Variants in KIF21B observed in about 807,000 individuals in gnomAD.
The protein encoded by KIF21B is kinesin family member 21B, also known as kinesin-like protein KIF21B.
A neutral mutation model predicts 192.9 loss-of-function variants in KIF21B; 85 were observed. The ratio of observed to expected loss-of-function variants is 0.44; its 90% CI spans 0.37 to 0.53. KIF21B has a LOEUF of 0.53. Ranked by LOEUF, KIF21B falls within the 20% of genes least tolerant of loss-of-function variation. The pLI, the probability that KIF21B is intolerant of heterozygous loss-of-function variation, is 0.00. For missense variants in KIF21B, 1,716 were observed against 2,194.8 expected, an observed-to-expected ratio of 0.78 and a Z score of 4.36; for synonymous variants, 832 against 884.6, an observed-to-expected ratio of 0.94 and a Z score of 1.05.
chr1:201,014,676 G>C (rs1658409326), intron 1 of KIF21B, among the ~76,000 whole-genome samples: 1 of 152,178 alleles, frequency 6.6e-6, no homozygotes, highest in African/African-American at 2.4e-5. Flanking sequence ...GGACTCCTAG[G>C]GGTTGGCTCA....
Position 200,974,661 on chromosome 1 carries a change from A to G in KIF21B, c.4814+53T>C. On this transcript the variant is annotated intron_variant, in intron 34 of 34. Transcript: ENST00000461742. The stretch of plus-strand genomic sequence containing the variant: ...CTGAGCCTCCCAGCCTCCCCTGCCC[A>G]CACCAGGAAGGAGATGAGGGAGCAG... The G allele has an allele frequency of 2.1e-6, 3 of 1,417,940 alleles. No individual in the cohort carries two copies. The South Asian group carries it at 3.5e-5, about 17-fold the overall frequency. 87.8% of individuals were successfully genotyped at this position (1,417,940 alleles called of 1,614,324 possible). A position where few individuals can be genotyped will look rare whatever the true frequency, so the allele number is the denominator to read the frequency against.
Position 201,002,339 on chromosome 1 carries a change from C to G in KIF21B, c.1224G>C (p.Val408=). 1 of 1,613,040 alleles carries G rather than the reference C, an allele frequency of 6.2e-7. No individual in the cohort carries two copies. Among genetic ancestry groups the G allele is most frequent in the Non-Finnish European group, 8.5e-7 (1 of 1,179,034 alleles). ...ELMEYKAGKR[V]IGEDGAEGYS... is the part of the protein sequence containing the mutation. ...AGCCCTCAGCGCCATCCTCTCCTAT[C>G]ACTCGCTTGCCCTGGGAGCAGGGGC... is the stretch of plus-strand genomic sequence containing the variant. Residue 408 remains valine, a synonymous_variant, in exon 9 of 35, where the codon GTG becomes GTC. Transcript: ENST00000461742.
chr1:200,996,600 T>C (rs2102426138), intron 14 of KIF21B, among the ~76,000 whole-genome samples: 1 of 152,248 alleles, frequency 6.6e-6, no homozygotes, highest in East Asian at 1.9e-4. Flanking sequence ...TGCTCTGACA[T>C]CCTATTGTAA....
Position 200,990,049 on chromosome 1 carries a change from A to T in KIF21B, c.3031-6T>A. 1 of 1,613,404 alleles carries T rather than the reference A, an allele frequency of 6.2e-7. No individual in the cohort carries two copies. The highest frequency in any genetic ancestry group is 1.3e-5 in the African/African-American group (1 of 75,000). ...TCTGTGGAGTCCAGCTCCTCCTAGG[A>T]CCGGGAGGCAGAGAGCCCCGTCACC... On this transcript the variant is annotated splice_region_variant and splice_polypyrimidine_tract_variant and intron_variant, in intron 20 of 34. Coordinates refer to ENST00000461742, the MANE Select transcript of KIF21B (RefSeq NM_001252102.2). This position sits in a 1 kb window ranked among gnomAD's most constrained non-coding sequence, Gnocchi z 5.4.
chr1:200,976,957 G>C, intron 31 of KIF21B, 64 bp from the exon 32 acceptor site: 1 of 1,275,232 alleles, frequency 7.8e-7, no homozygotes, highest in Non-Finnish European at 1.1e-6. Context: ...TTGGGGTGGG[G>C]TGTCTGCCCC....
chr1:201,007,217 G>C (rs1484014830), intron 3 of KIF21B, among the ~76,000 whole-genome samples: 25 of 65,080 alleles, frequency 3.8e-4, no homozygotes, highest in African/African-American at 1.3e-3. Context: ...CACACACAGA[G>C]ACAGACACAC....
rs773261322 is a variant in KIF21B, at chr1:200,990,135, T to C, written c.3030+3A>G. On this transcript the variant is annotated splice_donor_region_variant and intron_variant, in intron 20 of 34. Transcript: ENST00000461742. This position sits in a 1 kb window ranked among gnomAD's most constrained non-coding sequence, Gnocchi z 5.4. Reference sequence around the variant, plus strand: ...GCCCCAGCAGGCCCAGCCCTGCGGATACCTTGGTCTCCTCCAGCTGCACGA... The same window carrying C: ...GCCCCAGCAGGCCCAGCCCTGCGGACACCTTGGTCTCCTCCAGCTGCACGA... The C allele has an allele frequency of 1.2e-6, 2 of 1,612,564 alleles. No individual in the cohort carries two copies. The highest frequency in any genetic ancestry group is 2.2e-5 in the South Asian group (2 of 90,998).
At chr1:201,002,417 T>C in intron 8 of KIF21B, 67 bp from the exon 9 acceptor site, 1 of 1,400,690 alleles carries the variant, frequency 7.1e-7, no homozygotes. Flanking sequence ...AAGGGGCTGA[T>C]GATGCCCCTC....
chr1:201,015,180 C>T (rs1658436039), intron 1 of KIF21B, among the ~76,000 whole-genome samples: 1 of 152,210 alleles, frequency 6.6e-6, no homozygotes, highest in African/African-American at 2.4e-5. Flanking sequence ...AAGGTTTTCA[C>T]CTTTATTAGC....
At chr1:200,974,373 G>T (rs374496794) in intron 34 of KIF21B, among the ~76,000 whole-genome samples, 1 of 152,068 alleles carries the variant, frequency 6.6e-6, no homozygotes, top group South Asian at 2.1e-4. Flanking sequence ...TGTAAGAGGC[G>T]TGGTCTGGGG....
Position 200,988,893 on chromosome 1 carries a change from C to A in KIF21B, c.3171G>T (p.Leu1057=), listed in dbSNP as rs1656487719. The stretch of plus-strand genomic sequence containing the variant: ...CCGTCTGCCTCAGTCGGCCCTCCAA[C>A]AGCCGGATCTGGGCTTCCTTTTGTG... ...QVAQKEAQIR[L]LEGRLRQTDM... The change falls in exon 22 of 35, where the codon CTG becomes CTT. Residue 1057 remains leucine, a synonymous_variant. Transcript: ENST00000461742. 1 of 1,612,732 alleles carries A rather than the reference C, an allele frequency of 6.2e-7. No homozygotes were observed. Among genetic ancestry groups the A allele is most frequent in the African/African-American group, 1.3e-5 (1 of 74,890 alleles).
intron 21 of KIF21B, 91 bp downstream of exon 21, chr1:200,989,851 G>A (rs1380479042): frequency 3.7e-5 from 36 of 973,592 alleles, no homozygotes; most frequent in African/African-American, 4.8e-5. Context: ...CGCAGGTGAG[G>A]AGGCGCCAGG....
intron 1 of KIF21B, among the ~76,000 whole-genome samples, chr1:201,015,239 T>C (rs1272147156): frequency 6.6e-6 from 1 of 152,258 alleles, no homozygotes; most frequent in Non-Finnish European, 1.5e-5. Context: ...AGAACTGGCA[T>C]GCTCGCAGCT....
intron 1 of KIF21B, among the ~76,000 whole-genome samples, chr1:201,020,185 C>A (rs1658736271): frequency 6.6e-6 from 1 of 152,210 alleles, no homozygotes; most frequent in Non-Finnish European, 1.5e-5. Context: ...ACACTGAGGT[C>A]TCCCCTCATG....
chr1:200,986,781 A>T, intron 26 of KIF21B, 63 bp downstream of exon 26: 1 of 1,366,414 alleles, frequency 7.3e-7, no homozygotes, highest in Non-Finnish European at 1.0e-6. Flanking sequence ...CATCATAGCC[A>T]CTCATGTAAC....
At chr1:201,012,299 C>G (rs1658280930) in intron 1 of KIF21B, among the ~76,000 whole-genome samples, 2 of 152,152 alleles carry the variant, frequency 1.3e-5, no homozygotes, top group African/African-American at 2.4e-5. Flanking sequence ...GGCATGGACC[C>G]TGGTTGAGTC....
Position 200,992,340 on chromosome 1 carries a change from A to G in KIF21B, c.2327T>C (p.Val776Ala). 6 of 1,613,248 alleles carry G rather than the reference A, an allele frequency of 3.7e-6. No homozygotes were observed. In the Middle Eastern group the frequency reaches 6.6e-4, roughly 177 times the overall value. Residue 776 changes from valine (V) to alanine (A), a missense_variant, in exon 16 of 35, where the codon GTG (valine) becomes GCG (alanine). By Grantham distance (64) the Val-to-Ala change is moderately conservative. Around this residue, in one of 3 missense-constraint regions of KIF21B, gnomAD observed 1,087 missense variants for 1,316.6 expected, o/e 0.83. Transcript: ENST00000461742. The part of the protein sequence containing the change: ...MREEQQRRRL[V>A]ETKRNREIAQ... ...GATCTCCCGGTTCCTCTTGGTCTCC[A>G]CTAGCCGCCGCCGCTGTTGCTCCTC...
intron 30 of KIF21B, among the ~76,000 whole-genome samples, chr1:200,978,399 T>G (rs1045539476): frequency 6.6e-6 from 1 of 152,108 alleles, no homozygotes; most frequent in Admixed American, 6.6e-5. Context: ...AGGCCAGTTT[T>G]AGGCTCACAA....
intron 8 of KIF21B, 42 bp downstream of exon 8, chr1:201,003,544 G>T (rs1192676579): frequency 6.2e-7 from 1 of 1,601,910 alleles, no homozygotes. Flanking sequence ...TGGAGCACTA[G>T]CTCCAAGGGG....
Sources: allele counts gnomAD v4.1 joint callset (sites outside exome capture counted in the v4.1 genomes callset), GRCh38; gene constraint gnomAD v4.1.1; regional missense constraint gnomAD v4.1.1; non-coding constraint Gnocchi (gnomAD v3.1); transcripts MANE v1.5; gene names NCBI Gene and HGNC (gene_info 2026-07-23, HGNC 2026-07-21).